LILRA6: variants seen among roughly 807,000 people sequenced by gnomAD.
The protein encoded by LILRA6 is leukocyte immunoglobulin like receptor A6.
In LILRA6, 16 loss-of-function variants were observed where a neutral mutation model predicts 53.9. That is an observed-to-expected ratio of 0.30 (90% CI 0.20 to 0.45). LILRA6 has a LOEUF of 0.45. LILRA6 is among the 20% of genes least tolerant of loss of function. The pLI, the probability that LILRA6 is intolerant of heterozygous loss-of-function variation, is 1.00. For synonymous variants in LILRA6, 135 were observed against 256.4 expected, an observed-to-expected ratio of 0.53 and a Z score of 4.52; for missense variants, 306 against 618.6, an observed-to-expected ratio of 0.49 and a Z score of 5.36.
chr19:54,239,260 C>T, intron 7 of LILRA6, 171 bp from the exon 8 acceptor site: 1 of 1,513,284 alleles, frequency 6.6e-7, no homozygotes, highest in East Asian at 2.3e-5. Flanking sequence ...GTCTCAGCTC[C>T]TCCTGAGAAT....
chr19:54,238,914 G>C, exon 8 of LILRA6: 1 of 1,603,292 alleles, frequency 6.2e-7, no homozygotes, highest in Non-Finnish European at 8.5e-7. Context: ...TGTCCCTGAG[G>C]CTCCACCACG....
In LILRA6 at chr19:54,240,684, G is replaced by C. The variant is rs372125938; in HGVS notation, c.956-108C>G. On this transcript the variant is annotated intron_variant, in intron 5 of 7. Coordinates refer to ENST00000396365, the Ensembl canonical transcript of LILRA6. ...GTGTCTCTGTCTCTGTTTTCTCTGA[G>C]TCTCGCCTCCCCGCCCATCCCCTGT... 102,682 of 1,532,786 alleles carry C rather than the reference G, an allele frequency of 0.067. 182 individuals carry two copies. Among genetic ancestry groups the C allele is most frequent in the East Asian group, 0.079 (3,468 of 43,934 alleles). The allele number at this position is 1,532,786 out of a possible 1,614,324, so 94.9% of individuals were successfully genotyped here.
At chr19:54,242,161 G>T in exon 3 of LILRA6, 2 of 1,412,166 alleles carry the variant, frequency 1.4e-6, no homozygotes, top group Non-Finnish European at 1.9e-6. Flanking sequence ...GGTTCCAGTG[G>T]GTTATTTCTG....
chr19:54,238,536 C>T, downstream of LILRA6: 2 of 204,350 alleles, frequency 9.8e-6, no homozygotes, highest in South Asian at 2.0e-4. Flanking sequence ...GTCCAGAAAG[C>T]ATAGGCTGTA....
Position 54,240,825 on chromosome 19 carries a change from C to T in LILRA6, c.955+6G>A. ...GGTCCCTGACTGAACCCGCTGGGCT[C>T]CTCACCTGCCATCAGGATGTTCAGG... On this transcript the variant is annotated splice_donor_region_variant and intron_variant, in intron 5 of 7. Transcript: ENST00000396365. 1 of 1,613,284 alleles carries T rather than the reference C, an allele frequency of 6.2e-7. No homozygotes were observed. The highest frequency in any genetic ancestry group is 8.5e-7 in the Non-Finnish European group (1 of 1,179,982).
rs767145198 is a variant in LILRA6, at chr19:54,242,226, C to T, written c.155G>A (p.Ser52Asn). 1.4e-6 allele frequency: 2 copies of T among 1,422,792 alleles called. 1 individual carries two copies. Among genetic ancestry groups the T allele is most frequent in the Non-Finnish European group, 1.9e-6 (2 of 1,050,064 alleles). The allele number at this position is 1,422,792 out of a possible 1,614,324, so 88.1% of individuals were successfully genotyped here. ...CAGTCGGTACTCCTGGGCCTCCAGG[C>T]TCCCCTGACACCAGATGGTCACGGG... Residue 52 changes from serine (S) to asparagine (N), a missense_variant, in exon 3 of 8, where the codon AGC becomes AAC. Ser to Asn is a conservative substitution (Grantham distance 46). Around this residue, in one of 9 missense-constraint regions of LILRA6, gnomAD observed 27 missense variants for 107.0 expected, o/e 0.25. Transcript: ENST00000396365.
chr19:54,237,160 C>T (rs10426018), downstream of LILRA6: 13,410 of 149,724 alleles, frequency 0.09, 818 homozygotes, highest in South Asian at 0.26. Context: ...GTCAGGAGTT[C>T]GAGACCAGCC....
intron 7 of LILRA6, 119 bp downstream of exon 7, chr19:54,239,782 C>T (rs2078699421): frequency 1.3e-6 from 2 of 1,550,682 alleles, no homozygotes; most frequent in Admixed American, 2.0e-5. Flanking sequence ...TCTTCACCAG[C>T]CCAGCCTCAG....
At chr19:54,239,377 C>G (rs1365625033) in intron 7 of LILRA6, 1 of 794,510 alleles carries the variant, frequency 1.3e-6, no homozygotes, top group East Asian at 3.1e-5. Flanking sequence ...ATAAACCCTC[C>G]CTCTCCTGCA....
chr19:54,239,462 AGCC>A, intron 7 of LILRA6: 2 of 620,162 alleles, frequency 3.2e-6, no homozygotes, highest in Admixed American at 6.7e-5. Context: ...GCTGCTCCTG[AGCC>A]ATTTCCTCCC....
chr19:54,239,405 C>T, intron 7 of LILRA6: 5 of 672,280 alleles, frequency 7.4e-6, no homozygotes, highest in Non-Finnish European at 1.2e-5. Context: ...TCCCTCCAGT[C>T]TCCTCATGAA....
Position 54,240,486 on chromosome 19 carries a change from C to A in LILRA6, c.1046G>T (p.Trp349Leu). ...GGTCAGAAGGAAAGTGTCAAACTGC[C>A]ACCATGACTGACACAGCAGGGTCAC... Residue 349 changes from tryptophan (W) to leucine (L), a missense_variant, in exon 6 of 8, where the codon TGG becomes TTG. This residue lies in a region of LILRA6 where 106 missense variants were observed against 196.8 expected (regional missense o/e 0.54). Transcript: ENST00000396365. 2 of 1,575,048 alleles carry A rather than the reference C, an allele frequency of 1.3e-6. 1 individual carries two copies. The highest frequency in any genetic ancestry group is 1.7e-6 in the Non-Finnish European group (2 of 1,159,168).
exon 2 of LILRA6, chr19:54,242,538 G>A (rs1389740105): frequency 1.8e-6 from 2 of 1,082,366 alleles, no homozygotes; most frequent in African/African-American, 1.9e-5. Context: ...CGTGGGTCCT[G>A]GGGCCCAGAC....
exon 6 of LILRA6, chr19:54,240,422 T>G: frequency 6.2e-7 from 1 of 1,607,124 alleles, no homozygotes; most frequent in Non-Finnish European, 8.5e-7. Context: ...CTCCGTACAT[T>G]GATCTCAGAC....
downstream of LILRA6, chr19:54,237,098 C>T (rs2361804): frequency 0.41 from 61,702 of 149,508 alleles, 10,778 homozygotes; most frequent in African/African-American, 0.61. Flanking sequence ...CATAGTGGCT[C>T]ACACCTGTAA....
chr19:54,240,512 G>A lies in LILRA6; in HGVS notation c.1020C>T (p.Asn340=), dbSNP rs773243204. The A allele has an allele frequency of 1.6e-5, 25 of 1,607,174 alleles. 1 individual carries two copies. The highest frequency in any genetic ancestry group is 2.0e-5 in the Non-Finnish European group (23 of 1,177,846). Residue 340 remains asparagine, a synonymous_variant, in exon 6 of 8, where the codon AAC becomes AAT. Transcript: ENST00000396365. ...ACCATGACTGACACAGCAGGGTCAC[G>A]TTCTCTCCTGAGGCCACTGTGGGGC...
rs1472829456 is a variant in LILRA6 at position 54,241,843 on chromosome 19, TG to T, written c.390del (p.Ser131AlafsTer10). The T allele has an allele frequency of 2.3e-6, 3 of 1,303,218 alleles. 1 individual carries two copies. The allele number at this position is 1,303,218 out of a possible 1,614,324, so 80.7% of individuals were successfully genotyped here. On this transcript the variant is annotated frameshift_variant, in exon 4 of 8. Coordinates refer to ENST00000396365, the Ensembl canonical transcript of LILRA6. LOFTEE classifies it high-confidence loss of function. ...TTCCCCCCTGAGGCCACCACAGGGC[TG>T]GGCAGGGCTGAGAGGGTGGGTTTGC...
chr19:54,242,687 A>G lies in LILRA6; in HGVS notation c.34+31T>C, dbSNP rs200082112. On this transcript the variant is annotated intron_variant, in intron 1 of 7. Transcript: ENST00000396365. The stretch of plus-strand genomic sequence containing the variant: ...GTGGGGTGGGGTTCCTCCAAGACTC[A>G]GATCTCCCCCTCCCCATCTTGAAAT... 1.1e-4 allele frequency: 119 copies of G among 1,089,246 alleles called. 38 individuals carry two copies. Among genetic ancestry groups the G allele is most frequent in the African/African-American group, 3.3e-4 (17 of 51,690 alleles). The allele number at this position is 1,089,246 out of a possible 1,614,324, so 67.5% of individuals were successfully genotyped here.
At position 54,240,937 on chromosome 19, in the gene LILRA6, C is replaced by G. The variant is rs1433171995; in HGVS notation, c.849G>C (p.Leu283=). 10 of 1,613,950 alleles carry G rather than the reference C, an allele frequency of 6.2e-6. No individual in the cohort carries two copies. In the African/African-American group the frequency reaches 1.1e-4, roughly 17 times the overall value. ...CCCCGTGGGAGGGGCTCACAGGGCC[C>G]AGGGTGAAGTTGGCCTGGGAGAGCC... The change falls in exon 5 of 8, where the codon CTG becomes CTC. Residue 283 remains leucine, a synonymous_variant. Coordinates refer to ENST00000396365, the Ensembl canonical transcript of LILRA6.
Sources: allele counts gnomAD v4.1 joint callset, GRCh38; gene constraint gnomAD v4.1.1; regional missense constraint gnomAD v4.1.1; transcripts MANE v1.5; gene names NCBI Gene and HGNC (gene_info 2026-07-23, HGNC 2026-07-21).